PSD3: variants seen among roughly 807,000 people sequenced by gnomAD.
PSD3 encodes pleckstrin and Sec7 domain containing 3, also known as PH and SEC7 domain-containing protein 3.
In PSD3, 49 loss-of-function variants were observed where a neutral mutation model predicts 105.5. The observed-to-expected ratio is 0.46, with a 90% CI of 0.37 to 0.59. PSD3 has a LOEUF of 0.59. Ranked by LOEUF, PSD3 falls within the 20% of genes least tolerant of loss-of-function variation. The pLI, the probability that PSD3 is intolerant of heterozygous loss-of-function variation, is 0.00. For synonymous variants in PSD3, 557 were observed against 457.8 expected, an observed-to-expected ratio of 1.22 and a Z score of -2.77; for missense variants, 1,561 against 1,263.8, an observed-to-expected ratio of 1.24 and a Z score of -3.57.
chr8:18,566,616 T>A (rs867475750), intron 14 of PSD3, among the ~76,000 whole-genome samples: 16 of 152,060 alleles, frequency 1.1e-4, no homozygotes, highest in African/African-American at 3.6e-4. Context: ...AAGCAAATGC[T>A]GGGTGATGCA....
intron 2 of PSD3, among the ~76,000 whole-genome samples, chr8:18,921,789 A>C (rs1033164206): frequency 2.7e-4 from 41 of 152,206 alleles, no homozygotes; most frequent in African/African-American, 9.4e-4. Context: ...GGGCTTCAGG[A>C]GATAATATAA....
intron 14 of PSD3, among the ~76,000 whole-genome samples, chr8:18,569,366 C>T (rs1253880091): frequency 6.8e-6 from 1 of 146,622 alleles, no homozygotes; most frequent in Admixed American, 6.9e-5. Flanking sequence ...TCTCCAGCAC[C>T]TGTTGTTTCC....
At chr8:18,920,065 C>G (rs1469558231) in intron 2 of PSD3, among the ~76,000 whole-genome samples, 1 of 147,436 alleles carries the variant, frequency 6.8e-6, no homozygotes, top group African/African-American at 2.5e-5. Flanking sequence ...CATGGAGTTT[C>G]TAGAATTTCC....
At chr8:19,054,087 GT>G (rs950253683) in intron 1 of PSD3, among the ~76,000 whole-genome samples, 6 of 152,192 alleles carry the variant, frequency 3.9e-5, no homozygotes, top group African/African-American at 1.4e-4. Flanking sequence ...GCTAGACCAG[GT>G]CCCTGAAACT....
intron 9 of PSD3, among the ~76,000 whole-genome samples, chr8:18,702,069 C>T (rs764868501): frequency 7.9e-5 from 12 of 152,180 alleles, no homozygotes; most frequent in South Asian, 2.1e-4. Context: ...AATGTTTTCC[C>T]AGGAATCCTG....
At chr8:18,913,086 A>ACAAACAC (rs1820350128) in intron 2 of PSD3, among the ~76,000 whole-genome samples, 2 of 130,542 alleles carry the variant, frequency 1.5e-5, no homozygotes, top group Admixed American at 7.8e-5. Flanking sequence ...CACACACACA[A>ACAAACAC]ACACACACAC....
At chr8:19,038,698 G>A (rs558974139) in intron 1 of PSD3, among the ~76,000 whole-genome samples, 2 of 152,296 alleles carry the variant, frequency 1.3e-5, no homozygotes, top group East Asian at 1.9e-4. Context: ...CTGGGCTCAA[G>A]TGAACCTCCC....
intron 11 of PSD3, among the ~76,000 whole-genome samples, chr8:18,632,231 A>T (rs1360631797): frequency 6.6e-6 from 1 of 152,016 alleles, no homozygotes; most frequent in East Asian, 1.9e-4. Context: ...TGCGTTGCAA[A>T]TTCAACCTTT....
chr8:18,712,600 G>A (rs182466719), intron 9 of PSD3, among the ~76,000 whole-genome samples: 6 of 152,162 alleles, frequency 3.9e-5, no homozygotes. Flanking sequence ...TCCCTGAACA[G>A]ACCAATATTG....
intron 8 of PSD3, among the ~76,000 whole-genome samples, chr8:18,778,271 C>G (rs1220033942): frequency 6.6e-6 from 1 of 152,044 alleles, no homozygotes; most frequent in East Asian, 1.9e-4. Flanking sequence ...TCAACTAGTT[C>G]ATTATTAGAG....
chr8:19,055,611 G>A (rs1417133517), intron 1 of PSD3, among the ~76,000 whole-genome samples: 3 of 152,178 alleles, frequency 2.0e-5, no homozygotes, highest in Non-Finnish European at 4.4e-5. Context: ...AAAGGACTAA[G>A]CTATGGTTTT....
intron 4 of PSD3, among the ~76,000 whole-genome samples, chr8:18,859,885 T>C (rs535385526): frequency 7.2e-5 from 11 of 152,358 alleles, no homozygotes; most frequent in African/African-American, 2.4e-4. Context: ...GGTGTTTTCC[T>C]TATTATTCAT....
chr8:18,913,311 T>G (rs1226172295), intron 2 of PSD3, among the ~76,000 whole-genome samples: 1 of 152,182 alleles, frequency 6.6e-6, no homozygotes, highest in East Asian at 1.9e-4. Flanking sequence ...TTCTTCTAAA[T>G]TTATTTTAAA....
At chr8:18,859,707 A>G (rs532180392) in intron 4 of PSD3, among the ~76,000 whole-genome samples, 2 of 152,222 alleles carry the variant, frequency 1.3e-5, no homozygotes, top group East Asian at 3.9e-4. Flanking sequence ...AACCTCATAA[A>G]CCACCCTCGG....
At chr8:19,041,261 G>C (rs1486759290) in intron 1 of PSD3, among the ~76,000 whole-genome samples, 1 of 152,114 alleles carries the variant, frequency 6.6e-6, no homozygotes, top group African/African-American at 2.4e-5. Flanking sequence ...CTGTAAACCA[G>C]AGGCAAACTG....
chr8:18,696,860 T>C (rs1281758779), intron 9 of PSD3, among the ~76,000 whole-genome samples: 4 of 152,204 alleles, frequency 2.6e-5, no homozygotes, highest in Non-Finnish European at 5.9e-5. Flanking sequence ...AAATTTCTAG[T>C]AACCTCATTA....
intron 1 of PSD3, among the ~76,000 whole-genome samples, chr8:18,968,475 C>T (rs80251147): frequency 0.034 from 5,170 of 152,268 alleles, 170 homozygotes; most frequent in East Asian, 0.1. Context: ...GAACCTTCGA[C>T]GCCAGTTTTC....
intron 2 of PSD3, among the ~76,000 whole-genome samples, chr8:18,898,294 A>G (rs1819282575): frequency 1.3e-5 from 2 of 152,192 alleles, no homozygotes; most frequent in East Asian, 1.9e-4. Flanking sequence ...TATTAGGTAC[A>G]TATACGTTTA....
chr8:18,915,053 T>C (rs971064932), intron 2 of PSD3, among the ~76,000 whole-genome samples: 3 of 151,166 alleles, frequency 2.0e-5, no homozygotes, highest in Admixed American at 2.0e-4. Context: ...CTTACTTTTA[T>C]AGTCAATTGA....
Sources: allele counts gnomAD v4.1 joint callset (sites outside exome capture counted in the v4.1 genomes callset), GRCh38; gene constraint gnomAD v4.1.1; transcripts MANE v1.5; gene names NCBI Gene and HGNC (gene_info 2026-07-23, HGNC 2026-07-21).